The following MARCHF3 variants were observed in gnomAD, a reference collection of about 807,000 sequenced individuals.
The protein encoded by MARCHF3 is E3 ubiquitin-protein ligase MARCHF3.
MARCHF3 carries 13 observed loss-of-function variants against 24.2 expected under a neutral mutation model. The observed-to-expected ratio is 0.54, with a 90% CI of 0.35 to 0.85. The LOEUF (loss-of-function observed/expected upper bound fraction) is 0.85. MARCHF3 is among the 40% of genes least tolerant of loss of function. MARCHF3 has a pLI of 0.01. For missense variants in MARCHF3, 276 were observed against 325.0 expected, an observed-to-expected ratio of 0.85 and a Z score of 1.16; for synonymous variants, 144 against 137.3, an observed-to-expected ratio of 1.05 and a Z score of -0.34.
chr5:126,889,778 C>T (rs1753620095), intron 3 of MARCHF3, among the ~76,000 whole-genome samples: 1 of 152,182 alleles, frequency 6.6e-6, no homozygotes, highest in African/African-American at 2.4e-5. Context: ...TTCAAGGCTC[C>T]ACTTGAGGCA....
intron 1 of MARCHF3, among the ~76,000 whole-genome samples, chr5:126,991,824 G>A (rs941657664): frequency 1.3e-5 from 2 of 151,754 alleles, no homozygotes; most frequent in African/African-American, 4.8e-5. Flanking sequence ...GCAAATGTAC[G>A]CCTCGACCTG....
intron 1 of MARCHF3, among the ~76,000 whole-genome samples, chr5:126,948,565 A>G (rs1164619533): frequency 6.6e-6 from 1 of 152,222 alleles, no homozygotes; most frequent in Non-Finnish European, 1.5e-5. Flanking sequence ...AAAAGCTGAA[A>G]GCAGCGTGAA....
Position 126,870,404 on chromosome 5 carries a change from T to C in MARCHF3, c.*229A>G, listed in dbSNP as rs1752925604. On this transcript the variant is annotated 3_prime_UTR_variant, in exon 5 of 5. Transcript: ENST00000308660. ...ACAGTATCTGCTAAATAAACATGTT[T>C]GGCAGCTTAGCAAATATCATATGAT... 4.4e-6 allele frequency: 2 copies of C among 449,652 alleles called. No homozygotes were observed. The highest frequency in any genetic ancestry group is 4.1e-5 in the South Asian group (1 of 24,284). The allele number at this position is 449,652 out of a possible 1,614,324, so 27.9% of individuals were successfully genotyped here. A position where few individuals can be genotyped will look rare whatever the true frequency, so the allele number is the denominator to read the frequency against.
chr5:126,989,848 G>A lies in MARCHF3; in HGVS notation c.-57+40502C>T, dbSNP rs1263585471. 2.0e-5 allele frequency among the ~76,000 whole-genome samples: 3 copies of A among 152,210 alleles called. No homozygotes were observed. The East Asian group carries it at 5.8e-4, about 29-fold the overall frequency. On this transcript the variant is annotated intron_variant, in intron 1 of 4. Coordinates refer to ENST00000308660, the MANE Select transcript of MARCHF3 (RefSeq NM_178450.5). Reference sequence around the variant, plus strand: ...TTTATTGAAAATGAAATCTGGCTGGGTGCAGTGGCTCACGCCTGTAATCCC... The same window carrying A: ...TTTATTGAAAATGAAATCTGGCTGGATGCAGTGGCTCACGCCTGTAATCCC...
intron 3 of MARCHF3, among the ~76,000 whole-genome samples, chr5:126,910,009 T>G (rs1335747587): frequency 6.6e-6 from 1 of 152,224 alleles, no homozygotes; most frequent in African/African-American, 2.4e-5. Flanking sequence ...GAACAGCTTT[T>G]AAATTGTTCA....
chr5:126,887,072 G>C (rs1047871870), intron 3 of MARCHF3, among the ~76,000 whole-genome samples: 4 of 152,000 alleles, frequency 2.6e-5, no homozygotes, highest in Non-Finnish European at 5.9e-5. Context: ...TGTTATCCTA[G>C]AATCCAGTTT....
At position 126,915,030 on chromosome 5, in the gene MARCHF3, C is replaced by T. The variant is rs766190126; in HGVS notation, c.293G>A (p.Arg98Gln). The change falls in exon 3 of 5, where the codon CGG (arginine) becomes CAG (glutamine). Residue 98 changes from arginine (R) to glutamine (Q), a missense_variant. Physicochemically the swap from Arg to Gln is conservative, Grantham distance 43 (BLOSUM62 1). Coordinates refer to ENST00000308660, the MANE Select transcript of MARCHF3 (RefSeq NM_178450.5). ...TGACAGCCAGTGCTCCAGGCAGCTC[C>T]GATGAATTGTCCCCAAGGTCCCTGT... ...ECTGTLGTIH[R>Q]SCLEHWLSSS... 33 of 1,614,188 alleles carry T rather than the reference C, an allele frequency of 2.0e-5. No homozygotes were observed. The highest frequency in any genetic ancestry group is 1.3e-4 in the Admixed American group (8 of 60,024).
intron 1 of MARCHF3, among the ~76,000 whole-genome samples, chr5:126,958,887 A>G (rs1333173870): frequency 6.6e-6 from 1 of 152,220 alleles, no homozygotes; most frequent in Non-Finnish European, 1.5e-5. Flanking sequence ...CAGTGGAACA[A>G]TCTAAGTAAC....
intron 1 of MARCHF3, among the ~76,000 whole-genome samples, chr5:127,006,416 G>C (rs1363768732): frequency 6.6e-6 from 1 of 152,006 alleles, no homozygotes; most frequent in Non-Finnish European, 1.5e-5. Flanking sequence ...GGCTGTCATT[G>C]TTTTAGGCCA....
chr5:126,896,602 G>A (rs1753928721), intron 3 of MARCHF3, among the ~76,000 whole-genome samples: 1 of 152,046 alleles, frequency 6.6e-6, no homozygotes, highest in Non-Finnish European at 1.5e-5. Context: ...CTGTCTATAT[G>A]TATAACTGAA....
At chr5:126,875,965 G>C (rs1340439936) in intron 4 of MARCHF3, among the ~76,000 whole-genome samples, 2 of 152,158 alleles carry the variant, frequency 1.3e-5, no homozygotes, top group Admixed American at 6.5e-5. Context: ...GATAAATCTT[G>C]GGTTTAAACA....
intron 1 of MARCHF3, among the ~76,000 whole-genome samples, chr5:126,999,943 G>A (rs1752073186): frequency 6.6e-6 from 1 of 151,318 alleles, no homozygotes; most frequent in South Asian, 2.1e-4. Context: ...TTTTCTACTA[G>A]TGAGACTCTG....
At chr5:126,900,098 G>A (rs973857982) in intron 3 of MARCHF3, among the ~76,000 whole-genome samples, 1 of 151,972 alleles carries the variant, frequency 6.6e-6, no homozygotes, top group African/African-American at 2.4e-5. Context: ...TTTAATAGAC[G>A]AATCTGGTGT....
chr5:127,000,976 AC>A (rs1370103632), intron 1 of MARCHF3, among the ~76,000 whole-genome samples: 4 of 152,164 alleles, frequency 2.6e-5, no homozygotes, highest in African/African-American at 9.7e-5. Context: ...GTGGTGGCTC[AC>A]GCCTGTAACC....
chr5:126,872,579 A>G (rs1753008569), intron 4 of MARCHF3, among the ~76,000 whole-genome samples: 1 of 151,862 alleles, frequency 6.6e-6, no homozygotes, highest in Admixed American at 6.6e-5. Context: ...TGATCCCACT[A>G]AAGGTCTATG....
At chr5:126,894,520 AG>A (rs1753804154) in intron 3 of MARCHF3, among the ~76,000 whole-genome samples, 1 of 151,510 alleles carries the variant, frequency 6.6e-6, no homozygotes, top group South Asian at 2.1e-4. Context: ...TTGTCTGTAA[AG>A]TATTTTATTT....
intron 1 of MARCHF3, among the ~76,000 whole-genome samples, chr5:127,017,190 CA>C (rs1752662854): frequency 6.6e-6 from 1 of 152,012 alleles, no homozygotes; most frequent in Non-Finnish European, 1.5e-5. Flanking sequence ...TGCAGCAAAC[CA>C]ACATGGCACT....
intron 3 of MARCHF3, among the ~76,000 whole-genome samples, chr5:126,900,370 G>A (rs1754063392): frequency 6.6e-6 from 1 of 152,042 alleles, no homozygotes; most frequent in African/African-American, 2.4e-5. Context: ...TGGGGCCTTT[G>A]GGAGGTGATT....
intron 3 of MARCHF3, among the ~76,000 whole-genome samples, chr5:126,909,173 CCGT>C (rs1443496588): frequency 6.6e-6 from 1 of 152,208 alleles, no homozygotes; most frequent in East Asian, 1.9e-4. Context: ...GGCAGTCTGC[CCGT>C]TCTCAGATCT....
Sources: gnomAD v4.1 joint callset for allele counts (sites outside exome capture counted in the v4.1 genomes callset) on GRCh38, gnomAD v4.1.1 for gene constraint, MANE v1.5 for transcripts, NCBI Gene and HGNC (gene_info 2026-07-23, HGNC 2026-07-21) for gene names.